Variants in MYO18A observed in about 807,000 individuals in gnomAD.
The protein encoded by MYO18A is myosin XVIIIA.
In MYO18A, 78 loss-of-function variants were observed where a neutral mutation model predicts 235.8. The observed-to-expected ratio is 0.33, with a 90% CI of 0.28 to 0.40. The LOEUF is 0.40. MYO18A is among the 10% of genes least tolerant of loss of function. MYO18A has a pLI of 1.00. For missense variants in MYO18A, 2,215 were observed against 2,699.3 expected (o/e 0.82, Z 3.98); for synonymous variants, 977 against 1,077.8 (o/e 0.91, Z 1.83).
In MYO18A at chr17:29,092,897, G is replaced by C; in HGVS notation, c.5031C>G (p.Asn1677Lys). 1 of 1,613,974 alleles carries C rather than the reference G, an allele frequency of 6.2e-7. No homozygotes were observed. The highest frequency in any genetic ancestry group is 8.5e-7 in the Non-Finnish European group (1 of 1,179,890). ...CAATCTCTCGCTTGCTGGGAGCACT[G>C]TTCTTCAGGTGGTCCAGCATGAGCT... is the stretch of plus-strand genomic sequence containing the variant. ...DAQLMLDHLK[N>K]SAPSKREIAQ... is the part of the protein sequence containing the mutation. Residue 1677 changes from asparagine (N) to lysine (K), a missense_variant, in exon 33 of 42, where the codon AAC becomes AAG. Asn to Lys is a moderately conservative substitution (Grantham distance 94). Transcript: ENST00000527372.
Position 29,113,434 on chromosome 17 carries a change from C to G in MYO18A, c.2598+577G>C, listed in dbSNP as rs191456467. Among the ~76,000 whole-genome samples the G allele has an allele frequency of 3.9e-5, 6 of 152,338 alleles. No individual in the cohort carries two copies. In the East Asian group the frequency reaches 1.2e-3, roughly 29 times the overall value. ...ACCGAGTGCCAAGGTGCCCAGGACA[C>G]TAGCACAAAGGGTGACAAAGCCTGC... On this transcript the variant is annotated intron_variant, in intron 15 of 41. Transcript: ENST00000527372.
chr17:29,095,034 G>C lies in MYO18A; in HGVS notation c.4411C>G (p.His1471Asp). Residue 1471 changes from histidine (H) to aspartate (D), a missense_variant, in exon 29 of 42, where the codon CAT (histidine) becomes GAT (aspartate). Physicochemically the swap from His to Asp is moderately conservative, Grantham distance 81. Coordinates refer to ENST00000527372, the MANE Select transcript of MYO18A (RefSeq NM_078471.4). ...RRFDSELSQA[H>D]EEAQREKLQR... ...AGCTTCTCCCGCTGGGCCTCCTCAT[G>C]CGCCTGCGAGAGCTCACTGTCAAAC... The C allele has an allele frequency of 6.4e-7, 1 of 1,563,398 alleles. No homozygotes were observed. The highest frequency in any genetic ancestry group is 8.7e-7 in the Non-Finnish European group (1 of 1,153,232).
At chr17:29,093,051 C>T (rs778952427) in intron 32 of MYO18A, 50 bp from the exon 33 acceptor site, 2 of 1,578,322 alleles carry the variant, frequency 1.3e-6, no homozygotes, top group Non-Finnish European at 1.7e-6. Flanking sequence ...AGGGCTTCCT[C>T]CTATCTTCCC....
chr17:29,103,295 T>A (rs776463948), intron 21 of MYO18A, among the ~76,000 whole-genome samples: 19 of 152,074 alleles, frequency 1.2e-4, no homozygotes, highest in Non-Finnish European at 2.2e-4. Context: ...AGGACTCGGG[T>A]CAAGTTCAGG....
chr17:29,082,245 T>C, intron 41 of MYO18A, 71 bp downstream of exon 41: 1 of 1,595,872 alleles, frequency 6.3e-7, no homozygotes, highest in Non-Finnish European at 8.6e-7. Context: ...CCTCATGGGA[T>C]CCAGGCGCTA....
At chr17:29,175,483 C>T (rs1301829736) in intron 1 of MYO18A, among the ~76,000 whole-genome samples, 2 of 151,430 alleles carry the variant, frequency 1.3e-5, no homozygotes, top group African/African-American at 4.9e-5. Context: ...CCCACCGCAG[C>T]CTCCTGAGTA....
At position 29,071,473 on chromosome 17, in the gene MYO18A, G is replaced by A. The variant is rs779382248; in HGVS notation, c.*3297C>T. On this transcript the variant is annotated 3_prime_UTR_variant, in exon 42 of 42. Transcript: ENST00000527372. ...CTCAACTGAAACTTGGAGAAGCACT[G>A]GTCATGTGACAATGCACAGCCAGCC... The A allele has an allele frequency of 2.0e-5, 3 of 152,216 alleles. No individual in the cohort carries two copies. Among genetic ancestry groups the A allele is most frequent in the Non-Finnish European group, 4.4e-5 (3 of 68,054 alleles). 9.4% of individuals were successfully genotyped at this position (152,216 alleles called of 1,614,324 possible). A position where few individuals can be genotyped will look rare whatever the true frequency, so the allele number is the denominator to read the frequency against.
intron 14 of MYO18A, 103 bp from the exon 15 acceptor site, chr17:29,114,200 CCTT>C: frequency 1.2e-6 from 1 of 816,302 alleles, no homozygotes; most frequent in Non-Finnish European, 2.0e-6. Context: ...AGGCCAACCT[CCTT>C]CTGTGCCGTG....
intron 2 of MYO18A, among the ~76,000 whole-genome samples, chr17:29,149,280 A>G (rs778854611): frequency 2.2e-4 from 34 of 152,228 alleles, no homozygotes; most frequent in Non-Finnish European, 3.7e-4. Context: ...GTTCCTACAT[A>G]TAGTAGGCAT....
intron 2 of MYO18A, among the ~76,000 whole-genome samples, chr17:29,136,435 G>C (rs544485903): frequency 6.6e-6 from 1 of 151,778 alleles, no homozygotes; most frequent in South Asian, 2.1e-4. Context: ...TGGAGCAAGG[G>C]TGTTTAGATC....
rs1175974452 is a variant in MYO18A at position 29,098,989 on chromosome 17, G to A, written c.3637-20C>T. ...CTGGATCTGCAGGTGGGGTGGGGGT[G>A]GTGCACAGCGGGGCTCTCAGTCACC... On this transcript the variant is annotated intron_variant, in intron 22 of 41. Coordinates refer to ENST00000527372, the MANE Select transcript of MYO18A (RefSeq NM_078471.4). The A allele has an allele frequency of 2.5e-6, 4 of 1,611,752 alleles. No homozygotes were observed. Among genetic ancestry groups the A allele is most frequent in the Non-Finnish European group, 2.5e-6 (3 of 1,179,438 alleles).
At chr17:29,097,924 G>A (rs770802283) in intron 25 of MYO18A, 25 bp from the exon 26 acceptor site, 2 of 1,600,786 alleles carry the variant, frequency 1.2e-6, no homozygotes, top group East Asian at 4.5e-5. Flanking sequence ...GTTTCAGGGT[G>A]TGCCATTCCA....
intron 26 of MYO18A, 103 bp from the exon 27 acceptor site, chr17:29,097,453 C>G: frequency 6.8e-7 from 1 of 1,478,748 alleles, no homozygotes; most frequent in Non-Finnish European, 9.2e-7. Flanking sequence ...GTGGAGTCAG[C>G]CAGGGCTCAG....
At chr17:29,130,299 CAAAAAAAAAAAA>C (rs564370108) in intron 2 of MYO18A, among the ~76,000 whole-genome samples, 1 of 55,914 alleles carries the variant, frequency 1.8e-5, no homozygotes, top group African/African-American at 8.0e-5. Flanking sequence ...AACCCTGTCT[CAAAAAAAAAAAA>C]AAAAAAAAAA....
chr17:29,142,144 C>T (rs575708484), intron 2 of MYO18A, among the ~76,000 whole-genome samples: 4 of 152,300 alleles, frequency 2.6e-5, no homozygotes, highest in African/African-American at 7.2e-5. Context: ...CGGGGTTTCA[C>T]CGTGGTCTCA....
In MYO18A at chr17:29,115,111, C is replaced by A; in HGVS notation, c.2319-12G>T. On this transcript the variant is annotated splice_polypyrimidine_tract_variant and intron_variant, in intron 13 of 41. Coordinates refer to ENST00000527372, the MANE Select transcript of MYO18A (RefSeq NM_078471.4). Reference sequence around the variant, plus strand: ...TGGACTTGAGAGCCCTGGATAGGGACAGCCTGGGTCAGAGCCTCGCTGGTT... The same window carrying A: ...TGGACTTGAGAGCCCTGGATAGGGAAAGCCTGGGTCAGAGCCTCGCTGGTT... 6.2e-7 allele frequency: 1 copy of A among 1,604,152 alleles called. No individual in the cohort carries two copies. Among genetic ancestry groups the A allele is most frequent in the Non-Finnish European group, 8.5e-7 (1 of 1,173,848 alleles).
Position 29,120,492 on chromosome 17 carries a change from G to T in MYO18A, c.1728+124C>A. 7.6e-7 allele frequency: 1 copy of T among 1,315,294 alleles called. No homozygotes were observed. The highest frequency in any genetic ancestry group is 1.0e-6 in the Non-Finnish European group (1 of 966,558). 81.5% of individuals were successfully genotyped at this position (1,315,294 alleles called of 1,614,324 possible). A position where few individuals can be genotyped will look rare whatever the true frequency, so the allele number is the denominator to read the frequency against. On this transcript the variant is annotated intron_variant, in intron 7 of 41. Coordinates refer to ENST00000527372, the MANE Select transcript of MYO18A (RefSeq NM_078471.4). This position sits in a 1 kb window ranked among gnomAD's most constrained non-coding sequence, Gnocchi z 4.2. ...GATAGTGCAGGCCAACCCTGCCCAT[G>T]CCTGGGTCAATTTTGTTAGGGTAGA...
chr17:29,110,506 C>T lies in MYO18A; in HGVS notation c.3017G>A (p.Arg1006Gln), dbSNP rs1040751305. 10 of 1,604,418 alleles carry T rather than the reference C, an allele frequency of 6.2e-6. No individual in the cohort carries two copies. The highest frequency in any genetic ancestry group is 1.7e-4 in the Middle Eastern group (1 of 6,050). Residue 1006 changes from arginine to glutamine, a missense_variant, in exon 18 of 42, where the codon CGG (arginine) becomes CAG (glutamine). By Grantham distance (43) the Arg-to-Gln change is conservative (BLOSUM62 1). Transcript: ENST00000527372. The part of the protein sequence containing the change: ...QLALRRATSM[R>Q]KTFTTGMAAV... ...CGCCATGCCTGTGGTAAAGGTTTTCCGCATGCTGGTGGCCCGGCGCAGTGC... is the reference window on the plus strand; with the variant it reads ...CGCCATGCCTGTGGTAAAGGTTTTCTGCATGCTGGTGGCCCGGCGCAGTGC...
At chr17:29,154,805 C>A (rs1318339030) in intron 2 of MYO18A, among the ~76,000 whole-genome samples, 5 of 152,154 alleles carry the variant, frequency 3.3e-5, no homozygotes, top group African/African-American at 1.2e-4. Context: ...GCCAGCCCAG[C>A]CGGGGAGGAA....
Sources: allele counts gnomAD v4.1 joint callset (sites outside exome capture counted in the v4.1 genomes callset), GRCh38; gene constraint gnomAD v4.1.1; non-coding constraint Gnocchi (gnomAD v3.1); transcripts MANE v1.5; gene names NCBI Gene and HGNC (gene_info 2026-07-23, HGNC 2026-07-21).